The following SBF2 variants were observed in gnomAD, a reference collection of about 807,000 sequenced individuals.
SBF2 encodes SET binding factor 2.
In SBF2, 112 loss-of-function variants were observed where a neutral mutation model predicts 225.2. The ratio of observed to expected loss-of-function variants is 0.50; its 90% CI spans 0.43 to 0.58. The LOEUF is 0.58. SBF2 is among the 20% of genes least tolerant of loss of function. The pLI is 0.00. For missense variants in SBF2, 1,996 were observed against 2,206.2 expected (o/e 0.90, Z 1.91); for synonymous variants, 763 against 773.3 (o/e 0.99, Z 0.22).
intron 13 of SBF2, among the ~76,000 whole-genome samples, chr11:9,972,490 T>C (rs1193443957): frequency 3.9e-5 from 6 of 152,152 alleles, no homozygotes; most frequent in African/African-American, 1.2e-4. Context: ...TGTTTGTTTG[T>C]TTGTTTTTGA....
At chr11:9,863,030 G>A (rs973960247) in intron 17 of SBF2, among the ~76,000 whole-genome samples, 47 of 152,098 alleles carry the variant, frequency 3.1e-4, no homozygotes, top group African/African-American at 1.0e-3. Flanking sequence ...AAAAAAAGTG[G>A]TATTGTGCCA....
chr11:10,221,798 G>C (rs973149024), intron 1 of SBF2, among the ~76,000 whole-genome samples: 6 of 152,180 alleles, frequency 3.9e-5, no homozygotes, highest in African/African-American at 1.4e-4. Context: ...TATGGTATTA[G>C]GTGAATTTCC....
At chr11:10,128,964 T>C (rs1278214933) in intron 2 of SBF2, among the ~76,000 whole-genome samples, 5 of 152,180 alleles carry the variant, frequency 3.3e-5, no homozygotes, top group East Asian at 1.9e-4. Flanking sequence ...ACGTAGATAG[T>C]ATCCAAACAA....
chr11:10,125,452 C>T (rs916820366), intron 2 of SBF2, among the ~76,000 whole-genome samples: 23 of 151,990 alleles, frequency 1.5e-4, no homozygotes, highest in African/African-American at 5.1e-4. Context: ...TAAGAATTTT[C>T]AGTTACTTGT....
At chr11:10,041,921 C>A (rs1209799800) in intron 3 of SBF2, among the ~76,000 whole-genome samples, 1 of 151,902 alleles carries the variant, frequency 6.6e-6, no homozygotes, top group Non-Finnish European at 1.5e-5. Flanking sequence ...AAACCACCAC[C>A]ACCAGCACCA....
exon 1 of SBF2, among the ~76,000 whole-genome samples, chr11:10,304,513 GGTCTTGGTCCTCTGGGGGACTAGTGA>G (rs370466238): frequency 2.0e-4 from 30 of 152,284 alleles, no homozygotes; most frequent in African/African-American, 6.3e-4. Context: ...GAAACGCCGG[GGTCTTGGTCCTCTGGGGGACTAGTGA>G]GTCCTGCTCC....
intron 30 of SBF2, chr11:9,810,203 G>A (rs909787275): frequency 2.0e-5 from 3 of 152,290 alleles, no homozygotes; most frequent in African/African-American, 7.2e-5. Context: ...TTGAACCTGG[G>A]AGATCGAGGC....
At chr11:10,284,178 G>C (rs1440169956) in intron 1 of SBF2, among the ~76,000 whole-genome samples, 1 of 152,154 alleles carries the variant, frequency 6.6e-6, no homozygotes, top group East Asian at 1.9e-4. Flanking sequence ...CTCCACTGGT[G>C]ACGTCTTGCA....
chr11:10,196,866 A>ATATATATATATATATATATATTTTTT, intron 1 of SBF2, among the ~76,000 whole-genome samples: 15 of 99,296 alleles, frequency 1.5e-4, no homozygotes, highest in Non-Finnish European at 2.0e-4. Flanking sequence ...ATATATATAT[A>ATATATATATATATATATATATTTTTT]TTTTTTTTTT....
chr11:10,225,737 G>A (rs867966694), intron 1 of SBF2, among the ~76,000 whole-genome samples: 2 of 151,998 alleles, frequency 1.3e-5, no homozygotes, highest in East Asian at 3.9e-4. Flanking sequence ...ACTATCTCAC[G>A]GGAAATTATT....
At chr11:10,089,033 C>T (rs1425432394) in intron 2 of SBF2, among the ~76,000 whole-genome samples, 1 of 152,066 alleles carries the variant, frequency 6.6e-6, no homozygotes, top group Admixed American at 6.6e-5. Context: ...TGGGTCCTGC[C>T]CTCCTCCAAA....
At chr11:10,175,800 A>G (rs1292031826) in intron 2 of SBF2, among the ~76,000 whole-genome samples, 3 of 152,058 alleles carry the variant, frequency 2.0e-5, no homozygotes, top group African/African-American at 7.3e-5. Context: ...AACAGAAATT[A>G]TAACAAACTA....
At chr11:10,055,832 C>G (rs1565179638) in intron 2 of SBF2, among the ~76,000 whole-genome samples, 1 of 152,046 alleles carries the variant, frequency 6.6e-6, no homozygotes, top group Non-Finnish European at 1.5e-5. Context: ...GTACATAGTA[C>G]ACTATCTTGG....
At chr11:9,790,348 C>T (rs919589853) in intron 34 of SBF2, among the ~76,000 whole-genome samples, 1 of 152,218 alleles carries the variant, frequency 6.6e-6, no homozygotes, top group Non-Finnish European at 1.5e-5. Context: ...TGAGAGCCAG[C>T]TCCTAATTTT....
intron 16 of SBF2, among the ~76,000 whole-genome samples, chr11:9,918,406 G>C (rs1231495529): frequency 1.3e-5 from 2 of 152,150 alleles, no homozygotes; most frequent in East Asian, 3.9e-4. Context: ...AGGCTGGAGT[G>C]CAGTGGCACA....
chr11:10,102,762 C>T (rs1267154369), intron 2 of SBF2, among the ~76,000 whole-genome samples: 2 of 152,056 alleles, frequency 1.3e-5, no homozygotes, highest in Non-Finnish European at 1.5e-5. Context: ...AGTCTGGGCC[C>T]ATGTGTCTGA....
intron 16 of SBF2, 148 bp downstream of exon 16, chr11:9,961,809 T>C (rs113947184): frequency 1.9e-4 from 114 of 608,664 alleles, no homozygotes; most frequent in African/African-American, 1.8e-3. Context: ...AATAAAAAAG[T>C]ATTTGACAGA....
chr11:10,269,081 C>T (rs773015229), intron 1 of SBF2, among the ~76,000 whole-genome samples: 39 of 152,170 alleles, frequency 2.6e-4, no homozygotes, highest in Non-Finnish European at 5.6e-4. Flanking sequence ...TAAACTGACA[C>T]ATCTTTCTGC....
chr11:9,967,992 A>ATATAT (rs1565073558), intron 14 of SBF2, among the ~76,000 whole-genome samples: 387 of 131,432 alleles, frequency 2.9e-3, no homozygotes, highest in Non-Finnish European at 5.1e-3. Flanking sequence ...TATATATATA[A>ATATAT]AATATATATA....
Sources: gnomAD v4.1 joint callset for allele counts (sites outside exome capture counted in the v4.1 genomes callset) on GRCh38, gnomAD v4.1.1 for gene constraint, MANE v1.5 for transcripts, NCBI Gene and HGNC (gene_info 2026-07-23, HGNC 2026-07-21) for gene names.